The following RANBP17 variants were observed in gnomAD, a reference collection of about 807,000 sequenced individuals.
The protein encoded by RANBP17 is RAN binding protein 17, also known as ran-binding protein 17.
RANBP17 carries 158 observed loss-of-function variants against 141.2 expected under a neutral mutation model. That is an observed-to-expected ratio of 1.12 (90% CI 0.98 to 1.28). RANBP17 has a LOEUF of 1.28. Ranked by LOEUF, RANBP17 falls within the 50% of genes most tolerant of loss-of-function variation. The probability of loss-of-function intolerance (pLI) is 0.00; values close to 1 mark genes in which losing one functional copy is unlikely to be tolerated. For missense variants in RANBP17, 1,438 were observed against 1,290.7 expected (o/e 1.11, Z -1.75); for synonymous variants, 430 against 450.0 (o/e 0.96, Z 0.56).
intron 14 of RANBP17, among the ~76,000 whole-genome samples, chr5:171,136,903 C>G (rs1329119319): frequency 6.6e-6 from 1 of 152,084 alleles, no homozygotes; most frequent in East Asian, 1.9e-4. Flanking sequence ...TCTTCATTTT[C>G]TTTTTCTTCA....
intron 14 of RANBP17, among the ~76,000 whole-genome samples, chr5:170,974,781 G>T (rs1414524050): frequency 6.6e-6 from 1 of 152,176 alleles, no homozygotes; most frequent in African/African-American, 2.4e-5. Context: ...CTCTGAAGGG[G>T]TAATCACTTT....
chr5:171,101,322 T>G (rs1178711598), intron 14 of RANBP17, among the ~76,000 whole-genome samples: 1 of 152,252 alleles, frequency 6.6e-6, no homozygotes, highest in Non-Finnish European at 1.5e-5. Flanking sequence ...TAGCTCTCCT[T>G]GTTGCATTGA....
chr5:170,960,977 C>G (rs1217893468), intron 13 of RANBP17, among the ~76,000 whole-genome samples: 1 of 152,202 alleles, frequency 6.6e-6, no homozygotes, highest in African/African-American at 2.4e-5. Context: ...AACTCCTGAC[C>G]TCAAGGGATC....
intron 14 of RANBP17, among the ~76,000 whole-genome samples, chr5:171,014,706 A>T (rs1000323116): frequency 6.6e-6 from 1 of 152,056 alleles, no homozygotes; most frequent in African/African-American, 2.4e-5. Flanking sequence ...AGAGATTTAA[A>T]TAATAAGAAA....
At chr5:171,252,986 G>C in intron 24 of RANBP17, 1 of 1,339,312 alleles carries the variant, frequency 7.5e-7, no homozygotes, top group Non-Finnish European at 1.1e-6. Context: ...TCTCGGGATT[G>C]AGGGGGAACC....
At position 171,170,161 on chromosome 5, in the gene RANBP17, T is replaced by G. The variant is rs749470832; in HGVS notation, c.1742T>G (p.Ile581Arg). ...GCTCGTATGTCAGAAGTCTTAGGAA[T>G]AACAGATGACAACCACGTTCTAGAG... is the stretch of plus-strand genomic sequence containing the variant. ...VYARMSEVLGITDDNHVLETF... is the reference protein window; with the variant it reads ...VYARMSEVLGRTDDNHVLETF... The change falls in exon 15 of 28, where the codon ATA becomes AGA. Residue 581 changes from isoleucine (I) to arginine (R), a missense_variant. Coordinates refer to ENST00000523189, the MANE Select transcript of RANBP17 (RefSeq NM_022897.5). The G allele has an allele frequency of 6.9e-6, 11 of 1,589,238 alleles. No homozygotes were observed. In the East Asian group the frequency reaches 2.5e-4, roughly 36 times the overall value.
intron 14 of RANBP17, among the ~76,000 whole-genome samples, chr5:171,039,245 G>GTTT (rs57258448): frequency 5.6e-5 from 7 of 125,426 alleles, no homozygotes; most frequent in African/African-American, 1.8e-4. Context: ...TCTGTTGTTG[G>GTTT]TTTTTTTTTT....
intron 16 of RANBP17, among the ~76,000 whole-genome samples, chr5:171,182,267 A>G (rs1760909093): frequency 6.6e-6 from 1 of 152,262 alleles, no homozygotes; most frequent in Admixed American, 6.5e-5. Flanking sequence ...TAGAAAACAC[A>G]TGACTATGGT....
At chr5:171,165,974 T>A (rs1464547626) in intron 14 of RANBP17, among the ~76,000 whole-genome samples, 1 of 152,198 alleles carries the variant, frequency 6.6e-6, no homozygotes, top group Non-Finnish European at 1.5e-5. Flanking sequence ...AATACATGCC[T>A]TTTATGCGTT....
Position 171,195,078 on chromosome 5 carries a change from A to G in RANBP17, c.2039-4592A>G, listed in dbSNP as rs543584846. On this transcript the variant is annotated intron_variant, in intron 18 of 27. Coordinates refer to ENST00000523189, the MANE Select transcript of RANBP17 (RefSeq NM_022897.5). ...AGGAATTTATAATTTTTATCTATAC[A>G]TGACTGAGAACTTACAATGTTATGT... 3.3e-5 allele frequency among the ~76,000 whole-genome samples: 5 copies of G among 152,230 alleles called. No individual in the cohort carries two copies. In the South Asian group the frequency reaches 8.3e-4, roughly 25 times the overall value.
intron 3 of RANBP17, among the ~76,000 whole-genome samples, chr5:170,882,871 A>AT (rs1295420671): frequency 1.3e-5 from 2 of 152,206 alleles, no homozygotes; most frequent in African/African-American, 2.4e-5. Flanking sequence ...ATATGGACAA[A>AT]ATTGTAATAA....
Position 171,183,409 on chromosome 5 carries a change from C to T in RANBP17, c.2017C>T (p.Arg673Cys), listed in dbSNP as rs146604359. 5.3e-5 allele frequency: 85 copies of T among 1,613,022 alleles called. No homozygotes were observed. In the African/African-American group the frequency reaches 7.2e-4, roughly 14 times the overall value. ...AACAACCTTCTACACAGCGCTCACT[C>T]GCCTTCTGATGGTAGATCTGGGTAA... ...CRTTFYTALT[R>C]LLMVDLGEDE... Residue 673 changes from arginine to cysteine, a missense_variant, in exon 18 of 28, where the codon CGC (arginine) becomes TGC (cysteine). Coordinates refer to ENST00000523189, the MANE Select transcript of RANBP17 (RefSeq NM_022897.5).
chr5:171,175,258 A>C (rs1760369866), intron 16 of RANBP17, among the ~76,000 whole-genome samples: 1 of 152,192 alleles, frequency 6.6e-6, no homozygotes, highest in South Asian at 2.1e-4. Context: ...TGCAGTAAAC[A>C]TACGTGTGCA....
chr5:170,982,694 C>T (rs1777857472), intron 14 of RANBP17, among the ~76,000 whole-genome samples: 1 of 152,072 alleles, frequency 6.6e-6, no homozygotes, highest in Non-Finnish European at 1.5e-5. Flanking sequence ...AGAAATTCTC[C>T]TGTAGTGAAA....
At chr5:170,877,883 T>G (rs1768319196) in intron 1 of RANBP17, among the ~76,000 whole-genome samples, 1 of 152,226 alleles carries the variant, frequency 6.6e-6, no homozygotes. Context: ...ACTTTTCCAT[T>G]GCAGAACTAT....
Position 170,966,293 on chromosome 5 carries a change from A to T in RANBP17, c.1575-1949A>T, listed in dbSNP as rs182096948. Among the ~76,000 whole-genome samples, 1,287 of 152,294 alleles carry T rather than the reference A, an allele frequency of 8.5e-3. 10 individuals carry two copies. The highest frequency in any genetic ancestry group is 0.016 in the South Asian group (79 of 4,824). ...GATGAACATTGATGCAAAAATCCTCAATAAAATACTGGCAAACGAAATCCA... is the reference window on the plus strand; with the variant it reads ...GATGAACATTGATGCAAAAATCCTCTATAAAATACTGGCAAACGAAATCCA... On this transcript the variant is annotated intron_variant, in intron 13 of 27. Transcript: ENST00000523189.
At chr5:171,272,029 C>G (rs1314824314) in intron 25 of RANBP17, among the ~76,000 whole-genome samples, 3 of 152,188 alleles carry the variant, frequency 2.0e-5, no homozygotes, top group African/African-American at 4.8e-5. Flanking sequence ...AGAAAGAGAT[C>G]ATGTCCTTTG....
At chr5:171,174,963 C>T (rs532730462) in intron 16 of RANBP17, among the ~76,000 whole-genome samples, 111 of 152,084 alleles carry the variant, frequency 7.3e-4, no homozygotes, top group South Asian at 1.2e-3. Flanking sequence ...CCTTCACCCC[C>T]CTACAGGCCC....
chr5:171,097,396 T>G (rs968184612), intron 14 of RANBP17, among the ~76,000 whole-genome samples: 1 of 152,048 alleles, frequency 6.6e-6, no homozygotes, highest in African/African-American at 2.4e-5. Context: ...CATAAGCTCC[T>G]TGGAGCACAG....
Sources: allele counts gnomAD v4.1 joint callset (sites outside exome capture counted in the v4.1 genomes callset), GRCh38; gene constraint gnomAD v4.1.1; transcripts MANE v1.5; gene names NCBI Gene and HGNC (gene_info 2026-07-23, HGNC 2026-07-21).